The following PCDHA1 variants were observed in gnomAD, a reference collection of about 807,000 sequenced individuals.
PCDHA1 encodes protocadherin alpha-1.
PCDHA1 carries 42 observed loss-of-function variants against 61.3 expected under a neutral mutation model. That is an observed-to-expected ratio of 0.69 (90% CI 0.54 to 0.89). PCDHA1 has a LOEUF of 0.89. PCDHA1 is among the 40% of genes least tolerant of loss of function. The pLI, the probability that PCDHA1 is intolerant of heterozygous loss-of-function variation, is 0.00. For synonymous variants in PCDHA1, 610 were observed against 553.8 expected (o/e 1.10, Z -1.43); for missense variants, 1,256 against 1,235.3 (o/e 1.02, Z -0.25).
chr5:140,791,238 G>A (rs1195646082), intron 1 of PCDHA1, among the ~76,000 whole-genome samples: 1 of 152,224 alleles, frequency 6.6e-6, no homozygotes, highest in African/African-American at 2.4e-5. Flanking sequence ...GCACGATTGT[G>A]TAATTTCCTT....
chr5:140,826,791 G>A (rs1434779274), intron 1 of PCDHA1, among the ~76,000 whole-genome samples: 2 of 152,138 alleles, frequency 1.3e-5, no homozygotes, highest in African/African-American at 4.8e-5. Flanking sequence ...CCTGCAAAAA[G>A]TTGATTACCT....
chr5:140,828,828 A>G (rs2150159417), intron 1 of PCDHA1: 3 of 1,614,222 alleles, frequency 1.9e-6, no homozygotes, highest in Non-Finnish European at 1.7e-6. Context: ...GAACAGTCTG[A>G]ATACGAAGTA....
chr5:140,893,954 T>C (rs115606551), intron 1 of PCDHA1, among the ~76,000 whole-genome samples: 1,862 of 152,344 alleles, frequency 0.012, 45 homozygotes, highest in African/African-American at 0.042. Flanking sequence ...CATGACTTTA[T>C]TAGTCATTAG....
chr5:141,001,360 A>G (rs1432580617), intron 3 of PCDHA1, among the ~76,000 whole-genome samples: 2 of 152,212 alleles, frequency 1.3e-5, no homozygotes, highest in Non-Finnish European at 2.9e-5. Flanking sequence ...GTTTAAGCCT[A>G]CTATTCTGAT....
chr5:140,803,038 G>T lies in PCDHA1; in HGVS notation c.2394+14354G>T, dbSNP rs1554122539. ...TGGCTTTCGTATGAGCTGCAGCCTG[G>T]GACCGGCGGTGCGCGCATCCCGTTT... On this transcript the variant is annotated intron_variant, in intron 1 of 3. Transcript: ENST00000504120. 6.2e-7 allele frequency: 1 copy of T among 1,614,052 alleles called. No individual in the cohort carries two copies. Among genetic ancestry groups the T allele is most frequent in the Admixed American group, 1.7e-5 (1 of 60,036 alleles).
chr5:140,961,965 C>T (rs1292120191), intron 1 of PCDHA1, among the ~76,000 whole-genome samples: 9 of 151,536 alleles, frequency 5.9e-5, no homozygotes, highest in Non-Finnish European at 8.8e-5. Context: ...CTCACTGCAA[C>T]CTCCGCCTCC....
rs144089391 is a variant in PCDHA1, at chr5:140,792,355, T to C, written c.2394+3671T>C. On this transcript the variant is annotated intron_variant, in intron 1 of 3. Transcript: ENST00000504120. The stretch of plus-strand genomic sequence containing the variant: ...TATCAAGATCCTCATCTTTGTTACA[T>C]CTGCAAAGACCTTTATTCCAAATAA... Among the ~76,000 whole-genome samples the C allele has an allele frequency of 4.9e-3, 747 of 152,336 alleles. 11 individuals are homozygous for C. The highest frequency in any genetic ancestry group is 0.017 in the African/African-American group (702 of 41,568).
intron 3 of PCDHA1, among the ~76,000 whole-genome samples, chr5:141,008,360 G>C (rs569459357): frequency 6.6e-6 from 1 of 152,220 alleles, no homozygotes; most frequent in South Asian, 2.1e-4. Flanking sequence ...TCAACCAAAG[G>C]AGCAGTGTTA....
rs2150411326 is a variant in PCDHA1 at position 140,848,495 on chromosome 5, A to C, written c.2394+59811A>C. On this transcript the variant is annotated intron_variant, in intron 1 of 3. Transcript: ENST00000504120. ...AATTAGAAGAAGACTGAGTATTTGA[A>C]ATGTTATACTCAAGTCGAGGAGATC... is the stretch of plus-strand genomic sequence containing the variant. 86 of 1,576,710 alleles carry C rather than the reference A, an allele frequency of 5.5e-5. 9 individuals are homozygous for C. The highest frequency in any genetic ancestry group is 7.3e-5 in the Non-Finnish European group (84 of 1,155,398).
At chr5:140,821,863 C>A (rs1268753327) in intron 1 of PCDHA1, 8 of 1,614,110 alleles carry the variant, frequency 5.0e-6, no homozygotes, top group Non-Finnish European at 5.1e-6. Flanking sequence ...GAGCGGCCAG[C>A]TCCACTACTC....
chr5:140,796,968 G>A (rs369554786), intron 1 of PCDHA1: 4 of 1,613,820 alleles, frequency 2.5e-6, no homozygotes, highest in South Asian at 2.2e-5. Context: ...TGTTAGTGTC[G>A]TTGGTGGAAA....
chr5:140,796,261 C>A (rs1457591142), intron 1 of PCDHA1: 1 of 1,613,998 alleles, frequency 6.2e-7, no homozygotes, highest in Non-Finnish European at 8.5e-7. Flanking sequence ...CGGGGGCTCG[C>A]CTTCACTGTG....
In PCDHA1 at chr5:140,803,111, C is replaced by G. The variant is rs981760111; in HGVS notation, c.2394+14427C>G. The G allele has an allele frequency of 1.9e-6, 3 of 1,613,808 alleles. No individual in the cohort carries two copies. Among genetic ancestry groups the G allele is most frequent in the Admixed American group, 1.7e-5 (1 of 60,028 alleles). ...AGATCAGCACGACCCGTGCCCTGGA[C>G]GAGGTGGACGCCCCGCGCCATCGCC... is the stretch of plus-strand genomic sequence containing the variant. On this transcript the variant is annotated intron_variant, in intron 1 of 3. Transcript: ENST00000504120.
At chr5:140,860,133 G>GTATATATATGTATATATGTGTA (rs2046204026) in intron 1 of PCDHA1, 2 of 149,192 alleles carry the variant, frequency 1.3e-5, no homozygotes, top group African/African-American at 2.5e-5. Context: ...GTGTGTGTGT[G>GTATATATATGTATATATGTGTA]TATATATATG....
chr5:140,827,969 T>A, intron 1 of PCDHA1: 1 of 1,373,188 alleles, frequency 7.3e-7, no homozygotes, highest in East Asian at 2.3e-5. Context: ...TATTACTGCA[T>A]CATTCCCTGA....
At chr5:140,841,942 G>C in intron 1 of PCDHA1, 1 of 1,613,920 alleles carries the variant, frequency 6.2e-7, no homozygotes, top group South Asian at 1.1e-5. Flanking sequence ...ACGCTCCTGC[G>C]CACCACTTAT....
rs1323301501 is a variant in PCDHA1, at chr5:140,843,782, T to C, written c.2394+55098T>C. 2.1e-6 allele frequency: 3 copies of C among 1,427,592 alleles called. No homozygotes were observed. In the African/African-American group the frequency reaches 4.2e-5, roughly 20 times the overall value. 88.4% of individuals were successfully genotyped at this position (1,427,592 alleles called of 1,614,324 possible). A position where few individuals can be genotyped will look rare whatever the true frequency, so the allele number is the denominator to read the frequency against. On this transcript the variant is annotated intron_variant, in intron 1 of 3. Coordinates refer to ENST00000504120, the MANE Select transcript of PCDHA1 (RefSeq NM_018900.4). ...GAAATTGTAGTTACTTTAAAAGTGT[T>C]TCAGATTTAGTTTTTCACCGTATTT...
chr5:140,892,058 T>C (rs1417540713), intron 1 of PCDHA1, among the ~76,000 whole-genome samples: 3 of 152,248 alleles, frequency 2.0e-5, no homozygotes, highest in African/African-American at 4.8e-5. Context: ...TCAAATTTAT[T>C]GTTACTTTGT....
intron 1 of PCDHA1, among the ~76,000 whole-genome samples, chr5:140,819,252 T>C (rs1474909117): frequency 2.0e-5 from 3 of 152,210 alleles, no homozygotes; most frequent in African/African-American, 7.2e-5. Context: ...CAATCTGGTA[T>C]ATCTATATAA....
Sources: allele counts gnomAD v4.1 joint callset (sites outside exome capture counted in the v4.1 genomes callset), GRCh38; gene constraint gnomAD v4.1.1; transcripts MANE v1.5; gene names NCBI Gene and HGNC (gene_info 2026-07-23, HGNC 2026-07-21).